Variants in CSGALNACT1 observed in about 807,000 individuals in gnomAD.
The protein encoded by CSGALNACT1 is beta4GalNAcT-1.
In CSGALNACT1, 52 loss-of-function variants were observed where a neutral mutation model predicts 51.0. The observed-to-expected ratio is 1.02, with a 90% confidence interval of 0.82 to 1.29. The LOEUF is 1.29. Among genes scored for constraint, CSGALNACT1 ranks in the 50% most tolerant of loss-of-function variants. CSGALNACT1 has a pLI of 0.00. For missense variants in CSGALNACT1, 935 were observed against 679.2 expected, an observed-to-expected ratio of 1.38 and a Z score of -4.19; for synonymous variants, 341 against 254.4, an observed-to-expected ratio of 1.34 and a Z score of -3.24.
At chr8:19,594,517 C>A (rs940674157) in intron 2 of CSGALNACT1, among the ~76,000 whole-genome samples, 3 of 152,066 alleles carry the variant, frequency 2.0e-5, no homozygotes, top group African/African-American at 7.2e-5. Context: ...TCAAGCTGCC[C>A]ACATGCAATT....
chr8:19,666,884 A>AGT (rs1491297487), intron 1 of CSGALNACT1, among the ~76,000 whole-genome samples: 6 of 118,420 alleles, frequency 5.1e-5, no homozygotes, highest in African/African-American at 2.3e-4. Flanking sequence ...AAAGAAAGAA[A>AGT]GAGAGAGAGG....
intron 6 of CSGALNACT1, 152 bp from the exon 6 acceptor site, chr8:19,420,670 A>C (rs1257645184): frequency 1.2e-5 from 10 of 800,904 alleles, no homozygotes; most frequent in African/African-American, 5.1e-5. Context: ...AGAACGGCCC[A>C]GACTCACAGG....
At chr8:19,720,196 G>A (rs946474942) in intron 1 of CSGALNACT1, among the ~76,000 whole-genome samples, 19 of 152,166 alleles carry the variant, frequency 1.2e-4, no homozygotes, top group Admixed American at 9.8e-4. Context: ...GTGAAACCCC[G>A]CAATTCATGC....
intron 4 of CSGALNACT1, among the ~76,000 whole-genome samples, chr8:19,464,006 G>A (rs868226351): frequency 6.6e-6 from 1 of 152,278 alleles, no homozygotes; most frequent in African/African-American, 2.4e-5. Context: ...GATAAGAAAG[G>A]CACCACTCCT....
chr8:19,726,374 AT>A (rs2154242886), intron 1 of CSGALNACT1, among the ~76,000 whole-genome samples: 1 of 152,368 alleles, frequency 6.6e-6, no homozygotes, highest in South Asian at 2.1e-4. Flanking sequence ...ATCTAATATT[AT>A]ACAACTACTG....
chr8:19,409,903 A>G (rs932092217), intron 8 of CSGALNACT1, among the ~76,000 whole-genome samples: 2 of 151,822 alleles, frequency 1.3e-5, no homozygotes, highest in Admixed American at 6.6e-5. Flanking sequence ...GGTTAAATTC[A>G]CTCATCCCTT....
intron 1 of CSGALNACT1, among the ~76,000 whole-genome samples, chr8:19,719,271 G>A (rs956984392): frequency 6.6e-6 from 1 of 152,140 alleles, no homozygotes. Flanking sequence ...TTGGAAGGTA[G>A]GATGAAAGTG....
chr8:19,631,066 G>C (rs1451723996), intron 1 of CSGALNACT1, among the ~76,000 whole-genome samples: 1 of 152,140 alleles, frequency 6.6e-6, no homozygotes, highest in Non-Finnish European at 1.5e-5. Context: ...CAGACCATTT[G>C]TATGACCACA....
intron 1 of CSGALNACT1, among the ~76,000 whole-genome samples, chr8:19,674,527 G>T (rs950796176): frequency 2.6e-5 from 4 of 152,166 alleles, no homozygotes; most frequent in Non-Finnish European, 5.9e-5. Context: ...GCCAGAGGAG[G>T]GAGAAGAACA....
chr8:19,584,430 T>A (rs1411241684), intron 3 of CSGALNACT1, among the ~76,000 whole-genome samples: 2 of 152,226 alleles, frequency 1.3e-5, no homozygotes, highest in Non-Finnish European at 2.9e-5. Context: ...AGCTTGGAAT[T>A]TGAATTAAGA....
chr8:19,505,677 C>T, exon 4 of CSGALNACT1: 1 of 1,614,162 alleles, frequency 6.2e-7, no homozygotes, highest in South Asian at 1.1e-5. Flanking sequence ...CCCCTCCTTC[C>T]CCGTGGGGCT....
At chr8:19,636,737 G>A (rs906608942) in intron 1 of CSGALNACT1, among the ~76,000 whole-genome samples, 2 of 152,102 alleles carry the variant, frequency 1.3e-5, no homozygotes, top group African/African-American at 4.8e-5. Flanking sequence ...TCAATCAATA[G>A]GAATAACTTT....
intron 5 of CSGALNACT1, among the ~76,000 whole-genome samples, chr8:19,449,655 G>C (rs1382841002): frequency 1.3e-5 from 2 of 152,050 alleles, no homozygotes; most frequent in Non-Finnish European, 2.9e-5. Flanking sequence ...AGATTTCCTT[G>C]ATACTGTATT....
At chr8:19,550,261 C>T (rs1564006417) in intron 3 of CSGALNACT1, among the ~76,000 whole-genome samples, 1 of 152,174 alleles carries the variant, frequency 6.6e-6, no homozygotes, top group Non-Finnish European at 1.5e-5. Context: ...GCCAGGACAA[C>T]AGATGTACAG....
At chr8:19,644,709 CAAAAAAAAA>C (rs756025465) in intron 1 of CSGALNACT1, among the ~76,000 whole-genome samples, 314 of 22,282 alleles carry the variant, frequency 0.014, 2 homozygotes, top group African/African-American at 0.037. Flanking sequence ...GACTCCGTCT[CAAAAAAAAA>C]AAAAAAAAAA....
At chr8:19,517,382 G>A (rs185181005) in intron 3 of CSGALNACT1, among the ~76,000 whole-genome samples, 2 of 152,138 alleles carry the variant, frequency 1.3e-5, no homozygotes, top group Admixed American at 1.3e-4. Context: ...AGAGGTTGCC[G>A]TGAGCCGAGA....
exon 10 of CSGALNACT1, chr8:19,404,881 C>G: frequency 2.2e-6 from 1 of 454,468 alleles, no homozygotes; most frequent in Non-Finnish European, 4.4e-6. Flanking sequence ...TTCGAAAATA[C>G]TCTTCAGAGA....
intron 1 of CSGALNACT1, among the ~76,000 whole-genome samples, chr8:19,669,685 G>A (rs747870506): frequency 2.0e-5 from 3 of 152,120 alleles, no homozygotes; most frequent in Non-Finnish European, 2.9e-5. Context: ...ACATTGGCCA[G>A]GCTGGTCTCA....
chr8:19,677,848 T>TA (rs1438777968), intron 1 of CSGALNACT1, among the ~76,000 whole-genome samples: 1 of 152,076 alleles, frequency 6.6e-6, no homozygotes, highest in Middle Eastern at 3.2e-3. Context: ...TAGGGAATGT[T>TA]AAAGGTCACA....
Sources: allele counts gnomAD v4.1 joint callset (sites outside exome capture counted in the v4.1 genomes callset), GRCh38; gene constraint gnomAD v4.1.1; transcripts MANE v1.5; gene names NCBI Gene and HGNC (gene_info 2026-07-23, HGNC 2026-07-21).